Variants in SCAPER observed in about 807,000 individuals in gnomAD.
SCAPER encodes the protein S phase cyclin A-associated protein in the endoplasmic reticulum.
Under a neutral mutation model 182.2 loss-of-function variants are expected in SCAPER, and 98 were observed. The observed-to-expected ratio is 0.54, with a 90% CI of 0.46 to 0.64. The LOEUF is 0.64. SCAPER is among the 30% of genes least tolerant of loss of function. The pLI, the probability that SCAPER is intolerant of heterozygous loss-of-function variation, is 0.00. For missense variants in SCAPER, 1,432 were observed against 1,690.0 expected (o/e 0.85, Z 2.68); for synonymous variants, 605 against 564.6 (o/e 1.07, Z -1.01).
chr15:76,489,293 T>C (rs1474691163), intron 24 of SCAPER, among the ~76,000 whole-genome samples: 1 of 148,854 alleles, frequency 6.7e-6, no homozygotes, highest in African/African-American at 2.5e-5. Flanking sequence ...TCTTTTGCTA[T>C]GTAATTTTAA....
chr15:76,606,299 A>C (rs1322296265), intron 22 of SCAPER, among the ~76,000 whole-genome samples: 1 of 152,200 alleles, frequency 6.6e-6, no homozygotes, highest in Non-Finnish European at 1.5e-5. Context: ...ATTCAGGAGC[A>C]GGTTGTTCAG....
intron 25 of SCAPER, among the ~76,000 whole-genome samples, chr15:76,456,348 T>C (rs1350363147): frequency 6.6e-6 from 1 of 152,250 alleles, no homozygotes; most frequent in Non-Finnish European, 1.5e-5. Context: ...CCTGATGCTA[T>C]ATTTTCATTG....
chr15:76,410,329 A>T (rs556743846), intron 26 of SCAPER, among the ~76,000 whole-genome samples: 12 of 152,330 alleles, frequency 7.9e-5, no homozygotes, highest in African/African-American at 2.9e-4. Flanking sequence ...TCTAAGTATG[A>T]TGCTGATGCT....
chr15:76,765,478 T>C (rs774748604), intron 12 of SCAPER, 24 bp from the exon 13 acceptor site: 2 of 1,611,524 alleles, frequency 1.2e-6, no homozygotes, highest in Non-Finnish European at 1.7e-6. Context: ...AATACTATTA[T>C]TGTTTAGCCA....
chr15:76,367,197 T>C (rs952217939), intron 29 of SCAPER, among the ~76,000 whole-genome samples: 1 of 152,238 alleles, frequency 6.6e-6, no homozygotes, highest in African/African-American at 2.4e-5. Context: ...TTACCCAGTG[T>C]CAAACAGCTG....
At chr15:76,539,680 G>A (rs538974316) in intron 23 of SCAPER, among the ~76,000 whole-genome samples, 1 of 151,778 alleles carries the variant, frequency 6.6e-6, no homozygotes, top group South Asian at 2.1e-4. Context: ...CGAGTAGCTG[G>A]GACTACAGGC....
chr15:76,784,072 T>C (rs746067880), intron 8 of SCAPER, among the ~76,000 whole-genome samples: 3 of 152,092 alleles, frequency 2.0e-5, no homozygotes, highest in Non-Finnish European at 4.4e-5. Flanking sequence ...GGGTATTCAA[T>C]TAGGAAAAGA....
At position 76,371,879 on chromosome 15, in the gene SCAPER, C is replaced by T. The variant is rs561450834; in HGVS notation, c.3855+4283G>A. On this transcript the variant is annotated intron_variant, in intron 29 of 31. Coordinates refer to ENST00000563290, the MANE Select transcript of SCAPER (RefSeq NM_020843.4). ...GTTGTGGTGAGCCAACATGGTGCCA[C>T]TGCACTCCAGCCTGGGCAACAAGAG... Among the ~76,000 whole-genome samples the T allele has an allele frequency of 6.8e-4, 103 of 151,912 alleles. 1 individual carries two copies. The South Asian group carries it at 8.3e-3, about 12-fold the overall frequency.
intron 5 of SCAPER, among the ~76,000 whole-genome samples, chr15:76,831,320 C>T (rs12909211): frequency 6.6e-6 from 1 of 152,042 alleles, no homozygotes; most frequent in Non-Finnish European, 1.5e-5. Context: ...CACACACACT[C>T]GCAACACAGC....
At chr15:76,669,008 G>A (rs2056822003) in intron 20 of SCAPER, among the ~76,000 whole-genome samples, 1 of 152,088 alleles carries the variant, frequency 6.6e-6, no homozygotes, top group Non-Finnish European at 1.5e-5. Flanking sequence ...TGGACACAAA[G>A]CTAACTTTTT....
At chr15:76,439,866 T>C (rs2047442366) in intron 25 of SCAPER, among the ~76,000 whole-genome samples, 1 of 152,232 alleles carries the variant, frequency 6.6e-6, no homozygotes, top group South Asian at 2.1e-4. Flanking sequence ...TCTGAATCTC[T>C]CACCCCTCAG....
chr15:76,381,596 T>G lies in SCAPER; in HGVS notation c.3487A>C (p.Asn1163His). 1 of 1,596,464 alleles carries G rather than the reference T, an allele frequency of 6.3e-7. No individual in the cohort carries two copies. Among genetic ancestry groups the G allele is most frequent in the Non-Finnish European group, 8.5e-7 (1 of 1,170,980 alleles). ...AGCCCTGTGGGATCCTGGCGATTATTGTCAAATATGCTGTATGACCTGACA... is the reference window on the plus strand; with the variant it reads ...AGCCCTGTGGGATCCTGGCGATTATGGTCAAATATGCTGTATGACCTGACA... ...VTGRSYSIFD[N>H]NRQDPTGLTA... The change falls in exon 28 of 32, where the codon AAT becomes CAT. Residue 1163 changes from asparagine to histidine, a missense_variant. Physicochemically the swap from Asn to His is moderately conservative, Grantham distance 68. Transcript: ENST00000563290.
At chr15:76,376,933 C>A (rs1159533073) in intron 28 of SCAPER, among the ~76,000 whole-genome samples, 5 of 152,208 alleles carry the variant, frequency 3.3e-5, no homozygotes, top group Non-Finnish European at 7.3e-5. Context: ...AGGCAAAGGG[C>A]TGTCGGCGGT....
chr15:76,434,596 T>A (rs1035903261), intron 25 of SCAPER, among the ~76,000 whole-genome samples: 2 of 152,220 alleles, frequency 1.3e-5, no homozygotes, highest in African/African-American at 4.8e-5. Context: ...AGCTGATACA[T>A]ATAAAATGCT....
intron 25 of SCAPER, among the ~76,000 whole-genome samples, chr15:76,440,916 TTG>T (rs1422644217): frequency 0.11 from 6,457 of 56,238 alleles, 922 homozygotes; most frequent in African/African-American, 0.18. Context: ...GGTTTTTTTT[TTG>T]TTTTTTTTTT....
chr15:76,711,043 C>G (rs545354059), intron 17 of SCAPER, among the ~76,000 whole-genome samples: 126 of 152,080 alleles, frequency 8.3e-4, no homozygotes, highest in East Asian at 1.5e-3. Flanking sequence ...AATAAATTTA[C>G]AAAAGTTAAA....
Position 76,495,209 on chromosome 15 carries a change from T to C in SCAPER, c.2954+9650A>G, listed in dbSNP as rs576229467. Among the ~76,000 whole-genome samples the C allele has an allele frequency of 2.0e-5, 3 of 152,198 alleles. No homozygotes were observed. The South Asian group carries it at 6.2e-4, about 32-fold the overall frequency. ...TTTTCTTAATACGTTCACTCTCTAG[T>C]ATTGACACTGGTAAAACAACAACCC... On this transcript the variant is annotated intron_variant, in intron 24 of 31. Coordinates refer to ENST00000563290, the MANE Select transcript of SCAPER (RefSeq NM_020843.4).
chr15:76,456,700 A>G (rs2048761866), intron 25 of SCAPER, among the ~76,000 whole-genome samples: 1 of 152,210 alleles, frequency 6.6e-6, no homozygotes. Flanking sequence ...GTCTGTTAAA[A>G]TATCCATCTC....
chr15:76,436,420 C>T (rs2047201644), intron 25 of SCAPER, among the ~76,000 whole-genome samples: 1 of 152,120 alleles, frequency 6.6e-6, no homozygotes, highest in Admixed American at 6.5e-5. Flanking sequence ...AATACTTTTT[C>T]TCTGGCTGTT....
Sources: allele counts gnomAD v4.1 joint callset (sites outside exome capture counted in the v4.1 genomes callset), GRCh38; gene constraint gnomAD v4.1.1; transcripts MANE v1.5; gene names NCBI Gene and HGNC (gene_info 2026-07-23, HGNC 2026-07-21).